Variants in SLC36A2 observed in about 807,000 individuals in gnomAD.
SLC36A2 encodes the protein solute carrier family 36 member 2.
A neutral mutation model predicts 42.7 loss-of-function variants in SLC36A2; 39 were observed. The observed-to-expected ratio is 0.91, with a 90% CI of 0.71 to 1.19. The LOEUF is 1.19. SLC36A2 is among the 50% of genes most tolerant of loss of function. The probability of loss-of-function intolerance (pLI) is 0.00; values close to 1 mark genes in which losing one functional copy is unlikely to be tolerated. For synonymous variants in SLC36A2, 237 were observed against 240.8 expected (o/e 0.98, Z 0.15); for missense variants, 590 against 613.7 (o/e 0.96, Z 0.41).
At chr5:151,333,506 C>T (rs1756054818) in intron 6 of SLC36A2, among the ~76,000 whole-genome samples, 184 bp from the exon 7 acceptor site, 1 of 152,068 alleles carries the variant, frequency 6.6e-6, no homozygotes, top group African/African-American at 2.4e-5. Flanking sequence ...GCCAAAGAGC[C>T]AGAGGACGGT....
chr5:151,325,470 T>G lies in SLC36A2; in HGVS notation c.844-18A>C, dbSNP rs1379756858. On this transcript the variant is annotated intron_variant, in intron 7 of 9. Coordinates refer to ENST00000335244, the MANE Select transcript of SLC36A2 (RefSeq NM_181776.3). ...GGCAGAACCTACAGAAACATCACAA[T>G]GTAAGAAGGAGAAAGAGTAACATGA... 1 of 1,613,456 alleles carries G rather than the reference T, an allele frequency of 6.2e-7. No individual in the cohort carries two copies. Among genetic ancestry groups the G allele is most frequent in the South Asian group, 1.1e-5 (1 of 91,056 alleles).
chr5:151,344,062 C>A, intron 2 of SLC36A2, 115 bp downstream of exon 2: 1 of 959,216 alleles, frequency 1.0e-6, no homozygotes, highest in Non-Finnish European at 1.6e-6. Context: ...TAACCCCGCA[C>A]CAAGCTGTGT....
chr5:151,327,238 T>C (rs1755878949), intron 7 of SLC36A2, among the ~76,000 whole-genome samples: 2 of 152,130 alleles, frequency 1.3e-5, no homozygotes, highest in Non-Finnish European at 2.9e-5. Context: ...AGTCGGTACC[T>C]CCATAATTCT....
At chr5:151,342,200 G>A (rs1474720312) in intron 4 of SLC36A2, among the ~76,000 whole-genome samples, 2 of 152,152 alleles carry the variant, frequency 1.3e-5, no homozygotes, top group African/African-American at 4.8e-5. Context: ...CCACTTGATT[G>A]GGTGCCTGGC....
chr5:151,316,767 A>ATTTT lies in SLC36A2; in HGVS notation c.*49_*50insAAAA. On this transcript the variant is annotated 3_prime_UTR_variant, in exon 10 of 10. Transcript: ENST00000335244. The stretch of plus-strand genomic sequence containing the variant: ...AAAAAAAAAAAAAAAAAAAAAAGAG[A>ATTTT]TCCATATAATTAAAAGTCGGGTGCT... 7.9e-7 allele frequency: 1 copy of ATTTT among 1,269,368 alleles called. No homozygotes were observed. The highest frequency in any genetic ancestry group is 1.1e-6 in the Non-Finnish European group (1 of 889,258). 78.6% of individuals were successfully genotyped at this position (1,269,368 alleles called of 1,614,324 possible).
intron 1 of SLC36A2, 62 bp from the exon 2 acceptor site, chr5:151,344,329 T>C: frequency 2.1e-6 from 3 of 1,397,622 alleles, no homozygotes; most frequent in Non-Finnish European, 3.0e-6. Context: ...CCAGCGGTGA[T>C]TCCCTTGCAG....
chr5:151,337,819 A>G (rs1453951243), intron 5 of SLC36A2, among the ~76,000 whole-genome samples: 2 of 152,258 alleles, frequency 1.3e-5, no homozygotes, highest in Non-Finnish European at 2.9e-5. Context: ...ATTAAAAATT[A>G]CATGACTAAA....
At position 151,316,983 on chromosome 5, in the gene SLC36A2, G is replaced by A. The variant is rs1282689897; in HGVS notation, c.1286C>T (p.Thr429Ile). ...GCTCATGCCCTCTGAGTAGAACGTG[G>A]TGACCTCCAGGAGCGGTGGGATGAT... ...ALIIPPLLEV[T>I]TFYSEGMSPL... is the part of the protein sequence containing the mutation. Residue 429 changes from threonine to isoleucine, a missense_variant, in exon 10 of 10, where the codon ACC becomes ATC. Transcript: ENST00000335244. 1.9e-6 allele frequency: 3 copies of A among 1,613,998 alleles called. No individual in the cohort carries two copies. The highest frequency in any genetic ancestry group is 2.2e-5 in the South Asian group (2 of 91,078).
chr5:151,316,709 C>T lies in SLC36A2; in HGVS notation c.*108G>A, dbSNP rs922982886. 4.5e-6 allele frequency: 6 copies of T among 1,336,474 alleles called. No homozygotes were observed. The Admixed American group carries it at 1.2e-4, about 27-fold the overall frequency. 82.8% of individuals were successfully genotyped at this position (1,336,474 alleles called of 1,614,324 possible). On this transcript the variant is annotated 3_prime_UTR_variant, in exon 10 of 10. Transcript: ENST00000335244. The stretch of plus-strand genomic sequence containing the variant: ...GAGCTGAGATCGCATCATTGTACTC[C>T]AGTCTGGGCAACAAGACAGAAACTC...
At position 151,347,444 on chromosome 5, in the gene SLC36A2, CT is replaced by C; in HGVS notation, c.16del (p.Ser6ValfsTer43). MSVTKSTEGPQGAVAI... is the reference protein window; with the variant it reads MSVTKXTEGPQGAVAI... ...AACGGCTCCCTGGGGACCCTCAGTA[CT>C]TTTTGTCACAGACATGACTGCTTAA... On this transcript the variant is annotated frameshift_variant, in exon 1 of 10. Transcript: ENST00000335244. LOFTEE classifies it high-confidence loss of function. 1 of 1,614,072 alleles carries C rather than the reference CT, an allele frequency of 6.2e-7. No homozygotes were observed. The highest frequency in any genetic ancestry group is 8.5e-7 in the Non-Finnish European group (1 of 1,180,034).
chr5:151,325,204 CA>C lies in SLC36A2; in HGVS notation c.1010+81del, dbSNP rs747272222. 3.8e-5 allele frequency: 57 copies of C among 1,519,030 alleles called. 1 individual carries two copies. Among genetic ancestry groups the C allele is most frequent in the Non-Finnish European group, 3.7e-5 (41 of 1,116,060 alleles). 94.1% of individuals were successfully genotyped at this position (1,519,030 alleles called of 1,614,324 possible). A position where few individuals can be genotyped will look rare whatever the true frequency, so the allele number is the denominator to read the frequency against. On this transcript the variant is annotated intron_variant, in intron 8 of 9. Transcript: ENST00000335244. Reference sequence around the variant, plus strand: ...GGAGGCTCTCTAGACCTCAGTTTCCCAGCTGTGGAAGGGAGGAGGAAGTGAC... The same window carrying C: ...GGAGGCTCTCTAGACCTCAGTTTCCCGCTGTGGAAGGGAGGAGGAAGTGAC...
At chr5:151,327,678 G>T (rs1031663554) in intron 7 of SLC36A2, among the ~76,000 whole-genome samples, 1 of 152,132 alleles carries the variant, frequency 6.6e-6, no homozygotes, top group Non-Finnish European at 1.5e-5. Context: ...ACACAATTTT[G>T]CTGCATATAT....
chr5:151,339,043 T>G lies in SLC36A2; in HGVS notation c.525+17A>C. 2 of 1,593,770 alleles carry G rather than the reference T, an allele frequency of 1.3e-6. No homozygotes were observed. The highest frequency in any genetic ancestry group is 1.7e-6 in the Non-Finnish European group (2 of 1,163,512). ...TTGTCCATCTTTTCCCCTCCCGTTTTCTCTAGAAGCCTCTACCTGTTTTAA... is the reference window on the plus strand; with the variant it reads ...TTGTCCATCTTTTCCCCTCCCGTTTGCTCTAGAAGCCTCTACCTGTTTTAA... On this transcript the variant is annotated intron_variant, in intron 5 of 9. Coordinates refer to ENST00000335244, the MANE Select transcript of SLC36A2 (RefSeq NM_181776.3).
rs61730393 is a variant in SLC36A2 at position 151,325,272 on chromosome 5, G to C, written c.1010+14C>G. On this transcript the variant is annotated intron_variant, in intron 8 of 9. Transcript: ENST00000335244. ...ATTCCTGAGTCCCCACCACCTGACA[G>C]CCCATGAAGATACCAGCAGTTAGGC... is the stretch of plus-strand genomic sequence containing the variant. 3.4e-4 allele frequency: 555 copies of C among 1,612,008 alleles called. 1 individual carries two copies. The African/African-American group carries it at 6.3e-3, about 18-fold the overall frequency.
intron 9 of SLC36A2, among the ~76,000 whole-genome samples, chr5:151,317,934 C>G (rs938465748): frequency 6.6e-6 from 1 of 152,076 alleles, no homozygotes; most frequent in Non-Finnish European, 1.5e-5. Context: ...CAAAGATACC[C>G]CCTTAATAAG....
At chr5:151,323,662 C>T (rs576825020) in intron 8 of SLC36A2, among the ~76,000 whole-genome samples, 12 of 152,298 alleles carry the variant, frequency 7.9e-5, no homozygotes, top group East Asian at 1.9e-4. Flanking sequence ...TGTCTCCTTC[C>T]GATGTGCTTT....
chr5:151,344,906 A>T (rs1004715528), intron 1 of SLC36A2, among the ~76,000 whole-genome samples: 6 of 152,146 alleles, frequency 3.9e-5, no homozygotes, highest in Admixed American at 1.3e-4. Flanking sequence ...AACAGGTCGG[A>T]TGACTGGGTC....
In SLC36A2 at chr5:151,334,552, G is replaced by T. The variant is rs373386935; in HGVS notation, c.744+777C>A. On this transcript the variant is annotated intron_variant, in intron 6 of 9. Coordinates refer to ENST00000335244, the MANE Select transcript of SLC36A2 (RefSeq NM_181776.3). ...CTAAAAATACAAAAATTAGCCGGGT[G>T]TGGTGGCTGGTGCCTGTAGTCCCAG... Among the ~76,000 whole-genome samples, 328 of 152,226 alleles carry T rather than the reference G, an allele frequency of 2.2e-3. 2 individuals are homozygous for T. The highest frequency in any genetic ancestry group is 7.5e-3 in the African/African-American group (312 of 41,546).
Position 151,325,365 on chromosome 5 carries a change from T to C in SLC36A2, c.931A>G (p.Ile311Val). 1 of 1,614,146 alleles carries C rather than the reference T, an allele frequency of 6.2e-7. No individual in the cohort carries two copies. Among genetic ancestry groups the C allele is most frequent in the Non-Finnish European group, 8.5e-7 (1 of 1,179,996 alleles). The change falls in exon 8 of 10, where the codon ATT becomes GTT. Residue 311 changes from isoleucine to valine, a missense_variant. Ile to Val is a conservative substitution (Grantham distance 29). Transcript: ENST00000335244. ...AGGTAGCCCAGAGCCGCCATGCCAA[T>C]GTATAGGGAAGTGACGATGGACATT... ...LGMSIVTSLY[I>V]GMAALGYLRF... is the part of the protein sequence containing the mutation.
Sources: gnomAD v4.1 joint callset for allele counts (sites outside exome capture counted in the v4.1 genomes callset) on GRCh38, gnomAD v4.1.1 for gene constraint, MANE v1.5 for transcripts, NCBI Gene and HGNC (gene_info 2026-07-23, HGNC 2026-07-21) for gene names.